Variants in TAFA5 observed in about 807,000 individuals in gnomAD.
TAFA5 encodes the protein TAFA chemokine like family member 5.
A neutral mutation model predicts 15.3 loss-of-function variants in TAFA5; 6 were observed. The ratio of observed to expected loss-of-function variants is 0.39; its 90% CI spans 0.21 to 0.77. TAFA5 has a LOEUF of 0.77. Among genes scored for constraint, TAFA5 ranks in the 30% least tolerant of loss-of-function variants. TAFA5 has a pLI of 0.41. For missense variants in TAFA5, 161 were observed against 193.1 expected (o/e 0.83, Z 0.98); for synonymous variants, 103 against 80.7 (o/e 1.28, Z -1.48).
rs1338059485 is a variant in TAFA5, at chr22:48,552,158, C to T, written c.112+62454C>T. ...GGGCTCCCGGGGACCACCAGAGAGC[C>T]CCTCCCAAGGAGTCACCAGTCACAG... On this transcript the variant is annotated intron_variant, in intron 1 of 3. Coordinates refer to ENST00000402357, the MANE Select transcript of TAFA5 (RefSeq NM_001082967.3). The surrounding 1 kb of genome is among the most constrained non-coding windows in gnomAD (Gnocchi z 4.1). Among the ~76,000 whole-genome samples, 2 of 152,182 alleles carry T rather than the reference C, an allele frequency of 1.3e-5. No individual in the cohort carries two copies. Among genetic ancestry groups the T allele is most frequent in the Admixed American group, 1.3e-4 (2 of 15,282 alleles).
intron 1 of TAFA5, among the ~76,000 whole-genome samples, chr22:48,620,192 C>T (rs533158878): frequency 6.6e-6 from 1 of 152,156 alleles, no homozygotes; most frequent in East Asian, 1.9e-4. Context: ...TCCTCGTGCC[C>T]ACTGCCCCCT....
intron 3 of TAFA5, among the ~76,000 whole-genome samples, chr22:48,709,995 G>A (rs558277265): frequency 4.3e-4 from 66 of 152,298 alleles, no homozygotes; most frequent in Non-Finnish European, 8.4e-4. Context: ...ATTTTAAAGC[G>A]AGCAGCTCAG....
At chr22:48,639,290 C>A (rs1022388414) in intron 1 of TAFA5, among the ~76,000 whole-genome samples, 3 of 152,224 alleles carry the variant, frequency 2.0e-5, no homozygotes, top group Non-Finnish European at 4.4e-5. Flanking sequence ...CTCAGGCCTG[C>A]GGGGCCCCTC....
chr22:48,708,412 G>A (rs563996749), intron 3 of TAFA5, among the ~76,000 whole-genome samples: 4 of 152,298 alleles, frequency 2.6e-5, no homozygotes, highest in East Asian at 1.9e-4. Context: ...CCAAAGCCAC[G>A]GCTGACCTGG....
At chr22:48,617,770 G>T (rs1233454200) in intron 1 of TAFA5, among the ~76,000 whole-genome samples, 4 of 152,210 alleles carry the variant, frequency 2.6e-5, no homozygotes, top group African/African-American at 9.6e-5. Context: ...ACGACCACAT[G>T]CCTGCTGGGC....
chr22:48,536,573 G>C (rs1274359298), intron 1 of TAFA5, among the ~76,000 whole-genome samples: 1 of 152,264 alleles, frequency 6.6e-6, no homozygotes. Flanking sequence ...GGAGGAACAA[G>C]GACTCCAACC....
At chr22:48,746,067 G>T (rs1023454223) in intron 3 of TAFA5, among the ~76,000 whole-genome samples, 6 of 152,158 alleles carry the variant, frequency 3.9e-5, no homozygotes, top group Non-Finnish European at 5.9e-5. Context: ...CCTCACTGGG[G>T]CACATTCAGC....
intron 1 of TAFA5, among the ~76,000 whole-genome samples, chr22:48,578,942 G>T (rs762920173): frequency 6.6e-6 from 1 of 152,252 alleles, no homozygotes; most frequent in South Asian, 2.1e-4. Context: ...TCCAGCAGGA[G>T]GGAGGGAACA....
intron 3 of TAFA5, among the ~76,000 whole-genome samples, chr22:48,741,982 AAC>A (rs911945529): frequency 1.3e-5 from 2 of 152,234 alleles, no homozygotes; most frequent in Non-Finnish European, 2.9e-5. Context: ...CTTGAAATTA[AAC>A]AGTTTTTTGT....
At position 48,598,138 on chromosome 22, in the gene TAFA5, T is replaced by G. The variant is rs933276280; in HGVS notation, c.113-48459T>G. 6.6e-6 allele frequency among the ~76,000 whole-genome samples: 1 copy of G among 152,184 alleles called. No homozygotes were observed. The highest frequency in any genetic ancestry group is 2.4e-5 in the African/African-American group (1 of 41,432). On this transcript the variant is annotated intron_variant, in intron 1 of 3. Transcript: ENST00000402357. This position sits in a 1 kb window ranked among gnomAD's most constrained non-coding sequence, Gnocchi z 4.0. Reference sequence around the variant, plus strand: ...GACGCAGCGAGAGGTGCAGCTGGCGTCGTGAGGCCTCCGCTGGAGAATTCT... The same window carrying G: ...GACGCAGCGAGAGGTGCAGCTGGCGGCGTGAGGCCTCCGCTGGAGAATTCT...
At chr22:48,659,027 C>A (rs1345305181) in intron 2 of TAFA5, among the ~76,000 whole-genome samples, 1 of 152,158 alleles carries the variant, frequency 6.6e-6, no homozygotes, top group Non-Finnish European at 1.5e-5. Flanking sequence ...CACCCGGGGA[C>A]CTTGATGGTC....
At chr22:48,726,995 T>G (rs1929735425) in intron 3 of TAFA5, among the ~76,000 whole-genome samples, 1 of 152,094 alleles carries the variant, frequency 6.6e-6, no homozygotes, top group Admixed American at 6.5e-5. Context: ...CCGTACGGGG[T>G]CACTCTCAGG....
At chr22:48,590,418 AGGC>A (rs1924523832) in intron 1 of TAFA5, among the ~76,000 whole-genome samples, 1 of 152,212 alleles carries the variant, frequency 6.6e-6, no homozygotes, top group African/African-American at 2.4e-5. Context: ...TTTATGGCAA[AGGC>A]GCTGGCTTTC....
intron 1 of TAFA5, among the ~76,000 whole-genome samples, chr22:48,627,060 C>T (rs1926047921): frequency 6.6e-6 from 1 of 152,196 alleles, no homozygotes; most frequent in Non-Finnish European, 1.5e-5. Context: ...CCTGGTGATC[C>T]TGCAGCTTCC....
chr22:48,721,280 G>A (rs568189306), intron 3 of TAFA5, among the ~76,000 whole-genome samples: 2 of 152,302 alleles, frequency 1.3e-5, no homozygotes, highest in South Asian at 2.1e-4. Context: ...CACTGCCCCC[G>A]TGCCACCATT....
At chr22:48,678,688 A>C (rs1241964402) in intron 2 of TAFA5, among the ~76,000 whole-genome samples, 1 of 151,584 alleles carries the variant, frequency 6.6e-6, no homozygotes, top group African/African-American at 2.4e-5. Context: ...GCGCTCAAGG[A>C]AGGATGCTGG....
intron 3 of TAFA5, among the ~76,000 whole-genome samples, chr22:48,719,364 G>T (rs944353109): frequency 6.6e-6 from 1 of 152,366 alleles, no homozygotes; most frequent in African/African-American, 2.4e-5. Context: ...CTCCAAGTCC[G>T]TCTGGAGTGT....
chr22:48,653,335 C>G (rs918163077), intron 2 of TAFA5, among the ~76,000 whole-genome samples: 1 of 152,162 alleles, frequency 6.6e-6, no homozygotes, highest in African/African-American at 2.4e-5. Context: ...GAGACCCTGC[C>G]CCCGGTTCCC....
intron 3 of TAFA5, among the ~76,000 whole-genome samples, chr22:48,744,649 G>T (rs536625345): frequency 1.3e-5 from 2 of 152,286 alleles, no homozygotes; most frequent in South Asian, 4.1e-4. Context: ...CTCTTCCGGC[G>T]ACACGGTCCT....
Sources: gnomAD v4.1 joint callset for allele counts (sites outside exome capture counted in the v4.1 genomes callset) on GRCh38, gnomAD v4.1.1 for gene constraint, Gnocchi (gnomAD v3.1) non-coding constraint, MANE v1.5 for transcripts, NCBI Gene and HGNC (gene_info 2026-07-23, HGNC 2026-07-21) for gene names.